PARP11: variants seen among roughly 807,000 people sequenced by gnomAD.
PARP11 encodes the protein poly(ADP-ribose) polymerase family member 11.
Under a neutral mutation model 42.9 loss-of-function variants are expected in PARP11, and 31 were observed. The ratio of observed to expected loss-of-function variants is 0.72; its 90% CI spans 0.54 to 0.98. PARP11 has a LOEUF of 0.98. Ranked by LOEUF, PARP11 falls within the 50% of genes least tolerant of loss-of-function variation. PARP11 has a pLI of 0.00. For missense variants in PARP11, 365 were observed against 413.1 expected (o/e 0.88, Z 1.01); for synonymous variants, 137 against 127.3 (o/e 1.08, Z -0.51).
intron 2 of PARP11, among the ~76,000 whole-genome samples, chr12:3,829,429 T>C (rs1465390045): frequency 6.6e-6 from 1 of 152,250 alleles, no homozygotes; most frequent in African/African-American, 2.4e-5. Context: ...TAACTAGCTG[T>C]GTGACCCTTG....
intron 1 of PARP11, among the ~76,000 whole-genome samples, chr12:3,839,019 C>T (rs1026710263): frequency 5.3e-5 from 8 of 152,132 alleles, no homozygotes; most frequent in Non-Finnish European, 1.0e-4. Context: ...TACTCACTCT[C>T]GGGGTTTTCC....
intron 4 of PARP11, among the ~76,000 whole-genome samples, chr12:3,823,019 C>G (rs1220199400): frequency 6.6e-6 from 1 of 152,144 alleles, no homozygotes; most frequent in Admixed American, 6.5e-5. Context: ...CAGACATGTT[C>G]AAGCCACCCG....
At chr12:3,834,733 A>T (rs910482703) in intron 1 of PARP11, among the ~76,000 whole-genome samples, 4 of 152,172 alleles carry the variant, frequency 2.6e-5, no homozygotes, top group Non-Finnish European at 2.9e-5. Flanking sequence ...AAGGCAGAGC[A>T]AGCAGAAGTT....
At chr12:3,850,950 AGCTAAAAAC>A (rs1157044099) in intron 1 of PARP11, among the ~76,000 whole-genome samples, 2 of 152,236 alleles carry the variant, frequency 1.3e-5, no homozygotes, top group African/African-American at 4.8e-5. Flanking sequence ...TCCTACATAA[AGCTAAAAAC>A]AAAATCTTGT....
chr12:3,872,390 G>T, intron 1 of PARP11: 1 of 284,786 alleles, frequency 3.5e-6, no homozygotes, highest in Non-Finnish European at 5.3e-6. Flanking sequence ...AGTGGTGGCT[G>T]TGATCCTTAC....
chr12:3,829,827 C>T, intron 2 of PARP11, 63 bp downstream of exon 2: 1 of 1,529,116 alleles, frequency 6.5e-7, no homozygotes, highest in South Asian at 1.1e-5. Context: ...ATTTTACATA[C>T]ATCAGCAAGG....
chr12:3,840,766 A>T lies in PARP11; in HGVS notation c.19-10748T>A. 6.7e-7 allele frequency: 1 copy of T among 1,484,508 alleles called. No homozygotes were observed. Among genetic ancestry groups the T allele is most frequent in the South Asian group, 1.1e-5 (1 of 88,438 alleles). The allele number at this position is 1,484,508 out of a possible 1,614,324, so 92.0% of individuals were successfully genotyped here. On this transcript the variant is annotated intron_variant, in intron 1 of 7. Transcript: ENST00000228820. This position sits in a 1 kb window ranked among gnomAD's most constrained non-coding sequence, Gnocchi z 4.4. ...GTTGGATAAAAGACCCGAACCAAGC[A>T]TATTGGAGAATATTACTGATGATAA...
chr12:3,830,537 C>A (rs1947617279), intron 1 of PARP11, among the ~76,000 whole-genome samples: 1 of 152,046 alleles, frequency 6.6e-6, no homozygotes, highest in Non-Finnish European at 1.5e-5. Context: ...TGTGAACGTG[C>A]CTGTATCTGT....
chr12:3,810,702 G>A lies in PARP11; in HGVS notation c.*1421C>T, dbSNP rs892268726. On this transcript the variant is annotated 3_prime_UTR_variant, in exon 8 of 8. Transcript: ENST00000228820. ...AGGAAGGAAAGAAAGAAGGAAGGAA[G>A]AGAGAGAGAAGAGAAGAGAAAGAGA... 1.2e-4 allele frequency: 16 copies of A among 135,268 alleles called. No individual in the cohort carries two copies. Among genetic ancestry groups the A allele is most frequent in the African/African-American group, 5.2e-4 (16 of 30,932 alleles). The allele number at this position is 135,268 out of a possible 1,614,324, so 8.4% of individuals were successfully genotyped here. A position where few individuals can be genotyped will look rare whatever the true frequency, so the allele number is the denominator to read the frequency against.
At chr12:3,844,436 T>G (rs1368960524) in intron 1 of PARP11, among the ~76,000 whole-genome samples, 1 of 152,252 alleles carries the variant, frequency 6.6e-6, no homozygotes, top group Non-Finnish European at 1.5e-5. Flanking sequence ...TGCTTTTTTT[T>G]GTAGGACTAG....
At position 3,840,665 on chromosome 12, in the gene PARP11, G is replaced by GT. The variant is rs1263088238; in HGVS notation, c.19-10648dup. Reference sequence around the variant, plus strand: ...ATGTGTCCAGAGAAAATCATCACACGTAAGTGATAGAAAAGGAAGCAGGCG... The same window carrying GT: ...ATGTGTCCAGAGAAAATCATCACACGTTAAGTGATAGAAAAGGAAGCAGGCG... On this transcript the variant is annotated intron_variant, in intron 1 of 7. Coordinates refer to ENST00000228820, the MANE Select transcript of PARP11 (RefSeq NM_020367.6). This position sits in a 1 kb window ranked among gnomAD's most constrained non-coding sequence, Gnocchi z 4.4. 5 of 1,196,274 alleles carry GT rather than the reference G, an allele frequency of 4.2e-6. No individual in the cohort carries two copies. Among genetic ancestry groups the GT allele is most frequent in the Non-Finnish European group, 6.3e-6 (5 of 798,582 alleles). 74.1% of individuals were successfully genotyped at this position (1,196,274 alleles called of 1,614,324 possible). A position where few individuals can be genotyped will look rare whatever the true frequency, so the allele number is the denominator to read the frequency against.
At chr12:3,865,338 T>G (rs1210847248) in intron 1 of PARP11, among the ~76,000 whole-genome samples, 3 of 152,152 alleles carry the variant, frequency 2.0e-5, no homozygotes, top group African/African-American at 7.2e-5. Context: ...CAGCTGTTGA[T>G]GGGTGAATTG....
chr12:3,833,204 A>C (rs1056258423), intron 1 of PARP11, among the ~76,000 whole-genome samples: 1 of 152,234 alleles, frequency 6.6e-6, no homozygotes, highest in Non-Finnish European at 1.5e-5. Context: ...TTGCCTCTAC[A>C]TATAAAGAAG....
At chr12:3,830,108 G>T in intron 1 of PARP11, 90 bp from the exon 2 acceptor site, 1 of 1,199,182 alleles carries the variant, frequency 8.3e-7, no homozygotes. Context: ...TACAAAGAGT[G>T]GTATTCAAGT....
intron 1 of PARP11, among the ~76,000 whole-genome samples, chr12:3,831,630 T>C (rs1233709176): frequency 6.6e-6 from 1 of 152,166 alleles, no homozygotes; most frequent in East Asian, 1.9e-4. Flanking sequence ...TGTTATTTTT[T>C]ATATATGTTT....
chr12:3,860,056 C>G (rs1262925907), intron 1 of PARP11, among the ~76,000 whole-genome samples: 1 of 151,942 alleles, frequency 6.6e-6, no homozygotes, highest in African/African-American at 2.4e-5. Context: ...AATTATTAAG[C>G]AAAAAAGAAC....
Position 3,809,533 on chromosome 12 carries a change from T to C in PARP11, c.*2590A>G, listed in dbSNP as rs1409338607. On this transcript the variant is annotated 3_prime_UTR_variant, in exon 8 of 8. Coordinates refer to ENST00000228820, the MANE Select transcript of PARP11 (RefSeq NM_020367.6). ...CAGATACTTAGCTCTGGGTTCCTAG[T>C]CACCTTGAGATAAGATCTGCAAAGT... The C allele has an allele frequency of 7.6e-6, 1 of 130,934 alleles. No individual in the cohort carries two copies. Among genetic ancestry groups the C allele is most frequent in the Non-Finnish European group, 1.6e-5 (1 of 62,558 alleles). 8.1% of individuals were successfully genotyped at this position (130,934 alleles called of 1,614,324 possible).
intron 1 of PARP11, among the ~76,000 whole-genome samples, chr12:3,833,686 G>A (rs1947694951): frequency 6.6e-6 from 1 of 152,082 alleles, no homozygotes; most frequent in Admixed American, 6.6e-5. Flanking sequence ...TGTACTAAGG[G>A]CATACAAAAA....
At position 3,873,224 on chromosome 12, in the gene PARP11, C is replaced by G; in HGVS notation, c.6G>C (p.Trp2Cys). M[W>C]EANPEMFHKA... The stretch of plus-strand genomic sequence containing the variant: ...CCCGGCTACTCACTGGATTCGCTTC[C>G]CACATAACGGTGACAAAATCGAGCG... Residue 2 changes from tryptophan (W) to cysteine (C), a missense_variant, in exon 1 of 8, where the codon TGG becomes TGC. Physicochemically the swap from Trp to Cys is radical, Grantham distance 215. Transcript: ENST00000228820. 1 of 1,550,284 alleles carries G rather than the reference C, an allele frequency of 6.5e-7. No homozygotes were observed. The highest frequency in any genetic ancestry group is 8.7e-7 in the Non-Finnish European group (1 of 1,146,728).
Sources: allele counts gnomAD v4.1 joint callset (sites outside exome capture counted in the v4.1 genomes callset), GRCh38; gene constraint gnomAD v4.1.1; non-coding constraint Gnocchi (gnomAD v3.1); transcripts MANE v1.5; gene names NCBI Gene and HGNC (gene_info 2026-07-23, HGNC 2026-07-21).